RBFOX3: variants seen among roughly 807,000 people sequenced by gnomAD.
The protein encoded by RBFOX3 is RNA binding fox-1 homolog 3.
In RBFOX3, 17 loss-of-function variants were observed where a neutral mutation model predicts 48.7. The observed-to-expected ratio is 0.35, with a 90% CI of 0.24 to 0.52. RBFOX3 has a LOEUF of 0.52. Among genes scored for constraint, RBFOX3 ranks in the 20% least tolerant of loss-of-function variants. The pLI is 0.94. For synonymous variants in RBFOX3, 212 were observed against 209.5 expected (o/e 1.01, Z -0.10); for missense variants, 382 against 497.5 (o/e 0.77, Z 2.21).
intron 1 of RBFOX3, among the ~76,000 whole-genome samples, chr17:79,553,644 TTG>T (rs2091352223): frequency 6.6e-6 from 1 of 152,208 alleles, no homozygotes. Flanking sequence ...TCCATACAAA[TTG>T]ATCAGTTTGG....
chr17:79,258,265 C>T (rs1371743909), intron 3 of RBFOX3, among the ~76,000 whole-genome samples: 1 of 152,202 alleles, frequency 6.6e-6, no homozygotes, highest in Non-Finnish European at 1.5e-5. Flanking sequence ...GACAGGCAGT[C>T]GCAGCACCAG....
intron 4 of RBFOX3, among the ~76,000 whole-genome samples, chr17:79,227,985 G>A (rs899874147): frequency 1.3e-5 from 2 of 152,148 alleles, no homozygotes; most frequent in Non-Finnish European, 1.5e-5. Flanking sequence ...GAGAGACAAG[G>A]GGCCCTGCGG....
At chr17:79,516,829 C>T (rs1439981283) in intron 1 of RBFOX3, among the ~76,000 whole-genome samples, 3 of 152,176 alleles carry the variant, frequency 2.0e-5, no homozygotes, top group South Asian at 2.1e-4. Context: ...CTCTGACACA[C>T]GCTGCAATAT....
In RBFOX3 at chr17:79,249,120, G is replaced by A. The variant is rs553814109; in HGVS notation, c.-73-13315C>T. On this transcript the variant is annotated intron_variant, in intron 3 of 14. Transcript: ENST00000693108. The surrounding 1 kb of genome is among the most constrained non-coding windows in gnomAD (Gnocchi z 4.1). ...CCTGCAGCTGACAAAGGACTCCTGA[G>A]GCCACTAACCCTTCCAAGCCCTGCA... Among the ~76,000 whole-genome samples the A allele has an allele frequency of 3.3e-5, 5 of 152,306 alleles. No individual in the cohort carries two copies. The South Asian group carries it at 1.0e-3, about 32-fold the overall frequency.
chr17:79,318,033 A>G (rs1328043712), intron 2 of RBFOX3, among the ~76,000 whole-genome samples: 1 of 152,214 alleles, frequency 6.6e-6, no homozygotes, highest in African/African-American at 2.4e-5. Context: ...TGGATTGGGA[A>G]AAACCTCCAG....
rs1430668148 is a variant in RBFOX3, at chr17:79,480,277, G to C, written c.-175+2177C>G. The stretch of plus-strand genomic sequence containing the variant: ...GCCGTTTCAGCAGAGGAGGGGAGTT[G>C]TTTAAGGGTTTATCTCAGACATGGG... On this transcript the variant is annotated intron_variant, in intron 2 of 14. Transcript: ENST00000693108. The surrounding 1 kb of genome is among the most constrained non-coding windows in gnomAD (Gnocchi z 4.8). 6.6e-6 allele frequency among the ~76,000 whole-genome samples: 1 copy of C among 152,112 alleles called. No homozygotes were observed. Among genetic ancestry groups the C allele is most frequent in the Non-Finnish European group, 1.5e-5 (1 of 68,014 alleles).
intron 4 of RBFOX3, among the ~76,000 whole-genome samples, chr17:79,150,326 AG>A (rs2044145000): frequency 6.6e-6 from 1 of 151,994 alleles, no homozygotes; most frequent in Non-Finnish European, 1.5e-5. Flanking sequence ...CAAGGGGCAG[AG>A]TGGCTGCTGT....
chr17:79,356,367 T>TG (rs2085061815), intron 2 of RBFOX3, among the ~76,000 whole-genome samples: 4 of 77,052 alleles, frequency 5.2e-5, no homozygotes, highest in African/African-American at 1.4e-4. Flanking sequence ...TTTTTTTTTT[T>TG]TTTTTTTTTT....
At chr17:79,463,176 C>CCACCAT (rs1555750406) in intron 2 of RBFOX3, among the ~76,000 whole-genome samples, 3 of 121,654 alleles carry the variant, frequency 2.5e-5, no homozygotes, top group Non-Finnish European at 5.5e-5. Flanking sequence ...GCCACCTCCA[C>CCACCAT]CGCCATCGCC....
the RBFOX3 span, among the ~76,000 whole-genome samples, chr17:79,656,669 G>A: frequency 2.3e-4 from 25 of 108,458 alleles, no homozygotes; most frequent in Middle Eastern, 5.0e-3. Flanking sequence ...GAGAAGAAAG[G>A]AAAGAAGGAA....
rs980124823 is a variant in RBFOX3, at chr17:79,205,763, A to G, written c.-34+30003T>C. 2.0e-5 allele frequency among the ~76,000 whole-genome samples: 3 copies of G among 151,546 alleles called. No individual in the cohort carries two copies. The highest frequency in any genetic ancestry group is 7.3e-5 in the African/African-American group (3 of 41,186). On this transcript the variant is annotated intron_variant, in intron 4 of 14. Coordinates refer to ENST00000693108, the MANE Select transcript of RBFOX3 (RefSeq NM_001350451.2). This position sits in a 1 kb window ranked among gnomAD's most constrained non-coding sequence, Gnocchi z 4.5. ...ACTGGAATAGCTCGACAGAGCCTCTATTACTTGGTATATGGTGATTGATAT... is the reference window on the plus strand; with the variant it reads ...ACTGGAATAGCTCGACAGAGCCTCTGTTACTTGGTATATGGTGATTGATAT...
At position 79,131,081 on chromosome 17, in the gene RBFOX3, C is replaced by T. The variant is rs373267735; in HGVS notation, c.-33-15333G>A. Among the ~76,000 whole-genome samples the T allele has an allele frequency of 1.0e-3, 153 of 150,824 alleles. 4 individuals are homozygous for T. The South Asian group carries it at 0.031, about 30-fold the overall frequency. On this transcript the variant is annotated intron_variant, in intron 4 of 14. Coordinates refer to ENST00000693108, the MANE Select transcript of RBFOX3 (RefSeq NM_001350451.2). ...ACCGTGAGCCATGTGCTGCGTGTCCCGTGTGTGCTGTGTGCCCCGTGTGTG... is the reference window on the plus strand; with the variant it reads ...ACCGTGAGCCATGTGCTGCGTGTCCTGTGTGTGCTGTGTGCCCCGTGTGTG...
chr17:79,575,288 T>C (rs2092821012), intron 1 of RBFOX3, among the ~76,000 whole-genome samples: 1 of 152,074 alleles, frequency 6.6e-6, no homozygotes, highest in Non-Finnish European at 1.5e-5. Flanking sequence ...ATGGGGGCTC[T>C]TGAGTTAAGG....
At chr17:79,317,222 A>T (rs1245665463) in intron 2 of RBFOX3, among the ~76,000 whole-genome samples, 1 of 152,128 alleles carries the variant, frequency 6.6e-6, no homozygotes, top group Admixed American at 6.5e-5. Flanking sequence ...GAAATTGCAG[A>T]CCCAGTTCAT....
chr17:79,618,895 G>C, the RBFOX3 span, among the ~76,000 whole-genome samples: 1 of 152,158 alleles, frequency 6.6e-6, no homozygotes, highest in Non-Finnish European at 1.5e-5. Context: ...AGGAACTAGA[G>C]AGACCCAGGC....
intron 4 of RBFOX3, among the ~76,000 whole-genome samples, chr17:79,192,052 T>G (rs1046261666): frequency 1.3e-5 from 2 of 152,122 alleles, no homozygotes; most frequent in African/African-American, 4.8e-5. Context: ...TGTGAAGCTA[T>G]TCTGAGGCTG....
chr17:79,161,596 T>C (rs2703541), intron 4 of RBFOX3, among the ~76,000 whole-genome samples: 22 of 151,408 alleles, frequency 1.5e-4, no homozygotes, highest in African/African-American at 5.3e-4. Flanking sequence ...CGTTTTTTTT[T>C]TGTGTGTGTG....
At chr17:79,137,653 G>C (rs1157853314) in intron 4 of RBFOX3, among the ~76,000 whole-genome samples, 3 of 141,984 alleles carry the variant, frequency 2.1e-5, no homozygotes, top group African/African-American at 5.0e-5. Context: ...GCCCGGGCAC[G>C]CGGGGAGGGT....
intron 4 of RBFOX3, among the ~76,000 whole-genome samples, chr17:79,232,553 A>G (rs185071028): frequency 6.6e-6 from 1 of 152,364 alleles, no homozygotes; most frequent in East Asian, 1.9e-4. Flanking sequence ...CTTTTTAATA[A>G]GTAATAATGA....
Sources: gnomAD v4.1 joint callset for allele counts (sites outside exome capture counted in the v4.1 genomes callset) on GRCh38, gnomAD v4.1.1 for gene constraint, Gnocchi (gnomAD v3.1) non-coding constraint, MANE v1.5 for transcripts, NCBI Gene and HGNC (gene_info 2026-07-23, HGNC 2026-07-21) for gene names.